CCDC180: variants seen among roughly 807,000 people sequenced by gnomAD.
CCDC180 encodes the protein coiled-coil domain containing 180, also known as coiled-coil domain-containing protein 180.
In CCDC180, 154 loss-of-function variants were observed where a neutral mutation model predicts 209.2. That is an observed-to-expected ratio of 0.74 (90% CI 0.65 to 0.84). The LOEUF is 0.84. CCDC180 is among the 40% of genes least tolerant of loss of function. The probability of loss-of-function intolerance (pLI) is 0.00; values close to 1 mark genes in which losing one functional copy is unlikely to be tolerated. For missense variants in CCDC180, 1,874 were observed against 1,997.3 expected (o/e 0.94, Z 1.18); for synonymous variants, 778 against 749.1 (o/e 1.04, Z -0.63).
chr9:97,312,336 G>T, intron 4 of CCDC180, 135 bp downstream of exon 4: 1 of 678,754 alleles, frequency 1.5e-6, no homozygotes, highest in Non-Finnish European at 2.5e-6. Context: ...TCAGCCACCC[G>T]GAGGGCATTC....
At chr9:97,350,625 C>A (rs1826396981) in intron 22 of CCDC180, 70 bp downstream of exon 22, 1 of 1,467,802 alleles carries the variant, frequency 6.8e-7, no homozygotes, top group Non-Finnish European at 9.1e-7. Flanking sequence ...CTTGTTTCCC[C>A]CTTAATTTTT....
In CCDC180 at chr9:97,362,768, G is replaced by A. The variant is rs1826801882; in HGVS notation, c.3902+327G>A. Among the ~76,000 whole-genome samples, 4 of 152,306 alleles carry A rather than the reference G, an allele frequency of 2.6e-5. No homozygotes were observed. The South Asian group carries it at 8.3e-4, about 32-fold the overall frequency. On this transcript the variant is annotated intron_variant, in intron 28 of 36. Transcript: ENST00000529487. ...CCACCAAGCCTCAGTGGGGTTGTTAGACTCAAAGTTTACCCCACATGCATA... is the reference window on the plus strand; with the variant it reads ...CCACCAAGCCTCAGTGGGGTTGTTAAACTCAAAGTTTACCCCACATGCATA...
At chr9:97,370,171 C>A in intron 32 of CCDC180, 89 bp downstream of exon 32, 1 of 1,414,304 alleles carries the variant, frequency 7.1e-7, no homozygotes, top group Non-Finnish European at 9.6e-7. Flanking sequence ...GGGCCAAGTC[C>A]AAGGGAAGAA....
chr9:97,316,632 C>G (rs1021582077), intron 8 of CCDC180, among the ~76,000 whole-genome samples: 3 of 152,228 alleles, frequency 2.0e-5, no homozygotes, highest in Non-Finnish European at 2.9e-5. Context: ...TGTTCTAGCT[C>G]TGGCCTCATT....
At chr9:97,357,579 C>T in intron 24 of CCDC180, 48 bp from the exon 25 acceptor site, 1 of 1,245,154 alleles carries the variant, frequency 8.0e-7, no homozygotes, top group Non-Finnish European at 1.2e-6. Flanking sequence ...TTTCCCAGAT[C>T]ACAATATGTA....
chr9:97,314,907 G>A lies in CCDC180; in HGVS notation c.756G>A (p.Met252Ile), dbSNP rs1833112321. The A allele has an allele frequency of 6.2e-7, 1 of 1,614,134 alleles. No individual in the cohort carries two copies. The highest frequency in any genetic ancestry group is 1.1e-5 in the South Asian group (1 of 91,090). Residue 252 changes from methionine to isoleucine, a missense_variant, in exon 8 of 37, where the codon ATG (methionine) becomes ATA (isoleucine). Coordinates refer to ENST00000529487, the MANE Select transcript of CCDC180 (RefSeq NM_020893.6). ...AEVIEKTSYL[M>I]RPEVYRLINE... Reference sequence around the variant, plus strand: ...TCATAGAGAAAACTTCCTACCTCATGCGGCCCGAAGTGTACAGGCTGATAA... The same window carrying A: ...TCATAGAGAAAACTTCCTACCTCATACGGCCCGAAGTGTACAGGCTGATAA...
chr9:97,307,901 C>T (rs2118492215), intron 1 of CCDC180, 82 bp from the exon 2 acceptor site: 1 of 1,587,822 alleles, frequency 6.3e-7, no homozygotes, highest in Non-Finnish European at 8.6e-7. Flanking sequence ...GGGAGTCCTG[C>T]CCTGGGGTGC....
intron 8 of CCDC180, 48 bp from the exon 9 acceptor site, chr9:97,317,017 C>T (rs754757799): frequency 5.8e-6 from 9 of 1,541,924 alleles, no homozygotes; most frequent in East Asian, 2.3e-5. Context: ...TGCCCTGACC[C>T]GAGAGAGACC....
intron 25 of CCDC180, among the ~76,000 whole-genome samples, chr9:97,358,637 G>C (rs757039514): frequency 1.3e-5 from 2 of 152,132 alleles, no homozygotes; most frequent in African/African-American, 4.8e-5. Flanking sequence ...AATGATGGGG[G>C]ACATCGGGAG....
Position 97,318,494 on chromosome 9 carries a change from C to T in CCDC180, c.991C>T (p.Pro331Ser), listed in dbSNP as rs1200465868. Reference sequence around the variant, plus strand: ...CATGGCCAGTGAGAGTATCCATACTCCCCCGGCTGTGACGAAGGAGCTAGA... The same window carrying T: ...CATGGCCAGTGAGAGTATCCATACTTCCCCGGCTGTGACGAAGGAGCTAGA... ...EFMASESIHTPPAVTKELEVM... is the reference protein window; with the variant it reads ...EFMASESIHTSPAVTKELEVM... Residue 331 changes from proline (P) to serine (S), a missense_variant, in exon 10 of 37, where the codon CCC becomes TCC. By Grantham distance (74) the Pro-to-Ser change is moderately conservative. Coordinates refer to ENST00000529487, the MANE Select transcript of CCDC180 (RefSeq NM_020893.6). 1.9e-6 allele frequency: 3 copies of T among 1,613,670 alleles called. No individual in the cohort carries two copies.
chr9:97,354,744 C>T (rs2306095), intron 23 of CCDC180, 31 bp downstream of exon 23: 44 of 1,613,842 alleles, frequency 2.7e-5, no homozygotes, highest in Admixed American at 1.8e-4. Flanking sequence ...CCAGGCCAAC[C>T]GGTTCCACAG....
At chr9:97,365,651 A>G in intron 29 of CCDC180, 22 bp from the exon 30 acceptor site, 1 of 1,610,792 alleles carries the variant, frequency 6.2e-7, no homozygotes, top group Non-Finnish European at 8.5e-7. Context: ...CCCCTCAGGG[A>G]TCTGTCTCGT....
rs1826923043 is a variant in CCDC180, at chr9:97,366,469, T to C, written c.4048-90T>C. 7 of 1,313,524 alleles carry C rather than the reference T, an allele frequency of 5.3e-6. No homozygotes were observed. The Admixed American group carries it at 1.4e-4, about 26-fold the overall frequency. The allele number at this position is 1,313,524 out of a possible 1,614,324, so 81.4% of individuals were successfully genotyped here. A position where few individuals can be genotyped will look rare whatever the true frequency, so the allele number is the denominator to read the frequency against. ...GATGCCACGAGCAAAGGCTAGGGAG[T>C]GTGGAGGTGAGGGCAGGCTGGTGGA... On this transcript the variant is annotated intron_variant, in intron 30 of 36. Coordinates refer to ENST00000529487, the MANE Select transcript of CCDC180 (RefSeq NM_020893.6). The surrounding 1 kb of genome is among the most constrained non-coding windows in gnomAD (Gnocchi z 4.3).
At chr9:97,359,518 C>T (rs777797345) in intron 25 of CCDC180, among the ~76,000 whole-genome samples, 4 of 152,246 alleles carry the variant, frequency 2.6e-5, no homozygotes, top group East Asian at 1.9e-4. Context: ...GGTGCTGCTC[C>T]GAGAGGGTGC....
At position 97,330,464 on chromosome 9, in the gene CCDC180, C is replaced by T. The variant is rs780135832; in HGVS notation, c.1971C>T (p.Asn657=). The T allele has an allele frequency of 8.7e-6, 14 of 1,613,932 alleles. No homozygotes were observed. In the East Asian group the frequency reaches 2.2e-4, roughly 26 times the overall value. The change falls in exon 18 of 37, where the codon AAC becomes AAT. Residue 657 remains asparagine (N), a synonymous_variant. Transcript: ENST00000529487. The part of the protein sequence containing the change: ...ARSVEEVEEE[N]DQEMESFITE... ...CAGTAGAAGAGGTGGAAGAAGAAAA[C>T]GATCAAGAAATGGAGTCCTTCATAA...
At chr9:97,349,085 C>T in intron 20 of CCDC180, 26 bp from the exon 21 acceptor site, 1 of 1,527,362 alleles carries the variant, frequency 6.5e-7, no homozygotes, top group Non-Finnish European at 8.8e-7. Flanking sequence ...GTCCCCGGGG[C>T]CCCAGCTCTC....
chr9:97,326,708 C>A, intron 15 of CCDC180, 39 bp downstream of exon 15: 1 of 1,300,438 alleles, frequency 7.7e-7, no homozygotes, highest in Non-Finnish European at 1.1e-6. Context: ...AAGGGATGGT[C>A]AGGAATTCAT....
intron 18 of CCDC180, among the ~76,000 whole-genome samples, chr9:97,342,206 G>A (rs1268354814): frequency 6.6e-6 from 1 of 152,238 alleles, no homozygotes; most frequent in African/African-American, 2.4e-5. Flanking sequence ...GTCCCAATGA[G>A]GTGAACCAGG....
chr9:97,356,583 G>A (rs1391187485), intron 24 of CCDC180, among the ~76,000 whole-genome samples: 1 of 152,200 alleles, frequency 6.6e-6, no homozygotes, highest in East Asian at 1.9e-4. Context: ...TCCAGAAGGA[G>A]CAGGAGGCAG....
Sources: allele counts gnomAD v4.1 joint callset (sites outside exome capture counted in the v4.1 genomes callset), GRCh38; gene constraint gnomAD v4.1.1; non-coding constraint Gnocchi (gnomAD v3.1); transcripts MANE v1.5; gene names NCBI Gene and HGNC (gene_info 2026-07-23, HGNC 2026-07-21).